DNAH7: variants seen among roughly 807,000 people sequenced by gnomAD.
DNAH7 encodes the protein axonemal beta dynein heavy chain 7.
A neutral mutation model predicts 444.6 loss-of-function variants in DNAH7; 397 were observed. That is an observed-to-expected ratio of 0.89 (90% CI 0.82 to 0.97). DNAH7 has a LOEUF of 0.97. DNAH7 is among the 50% of genes least tolerant of loss of function. The pLI is 0.00. For synonymous variants in DNAH7, 1,636 were observed against 1,624.4 expected (o/e 1.01, Z -0.17); for missense variants, 4,902 against 4,800.8 (o/e 1.02, Z -0.62).
rs572582196 is a variant in DNAH7 at position 196,001,352 on chromosome 2, T to C, written c.1173+323A>G. Among the ~76,000 whole-genome samples the C allele has an allele frequency of 4.6e-5, 7 of 151,422 alleles. No individual in the cohort carries two copies. In the South Asian group the frequency reaches 1.2e-3, roughly 27 times the overall value. ...AGTCATGACAATCATATATCCTAAA[T>C]ATGCAGGTTGACATTAACTCTTTTT... On this transcript the variant is annotated intron_variant, in intron 11 of 64. Coordinates refer to ENST00000312428, the MANE Select transcript of DNAH7 (RefSeq NM_018897.3).
At chr2:195,943,163 C>A (rs1689575413) in intron 19 of DNAH7, among the ~76,000 whole-genome samples, 1 of 152,162 alleles carries the variant, frequency 6.6e-6, no homozygotes, top group African/African-American at 2.4e-5. Context: ...CCATGTGGAA[C>A]TGTAAGTCAA....
intron 33 of DNAH7, among the ~76,000 whole-genome samples, chr2:195,888,044 CT>C (rs1292875706): frequency 1.3e-5 from 2 of 151,786 alleles, no homozygotes; most frequent in East Asian, 3.9e-4. Context: ...TTTGAGTTCT[CT>C]TTTTTTTAGA....
At chr2:196,028,161 T>C in intron 5 of DNAH7, 114 bp from the exon 6 acceptor site, 1 of 812,448 alleles carries the variant, frequency 1.2e-6, no homozygotes, top group Non-Finnish European at 1.9e-6. Flanking sequence ...GAAAAATGAA[T>C]TGTTGAACAT....
intron 19 of DNAH7, among the ~76,000 whole-genome samples, chr2:195,939,528 C>A (rs1041386082): frequency 6.6e-6 from 1 of 152,010 alleles, no homozygotes; most frequent in Non-Finnish European, 1.5e-5. Context: ...CAGAACATAG[C>A]AATAAGATGT....
chr2:195,946,762 C>A (rs1472315044), intron 19 of DNAH7, among the ~76,000 whole-genome samples: 1 of 152,060 alleles, frequency 6.6e-6, no homozygotes, highest in Admixed American at 6.6e-5. Context: ...TTGTCCCAAA[C>A]CCAGATGAGA....
chr2:195,959,457 T>C (rs1690928018), intron 18 of DNAH7, among the ~76,000 whole-genome samples: 1 of 151,608 alleles, frequency 6.6e-6, no homozygotes, highest in African/African-American at 2.4e-5. Context: ...AATTCTTCTC[T>C]TAATGTGCAT....
intron 25 of DNAH7, among the ~76,000 whole-genome samples, chr2:195,908,908 A>G (rs915065752): frequency 3.3e-5 from 5 of 152,186 alleles, no homozygotes; most frequent in African/African-American, 9.7e-5. Flanking sequence ...AGCCAGGAAC[A>G]GTTTACTGCA....
chr2:195,923,759 C>A lies in DNAH7; in HGVS notation c.3661G>T (p.Val1221Phe). ...GACAATTTGCCACGCACCAAAGTGA[C>A]AATATCATCAATTTGTCTGTTACAT... ...KTCNRQIDDI[V>F]TLVRGKLSMQ... The change falls in exon 23 of 65, where the codon GTC becomes TTC. Residue 1221 changes from valine (V) to phenylalanine (F), a missense_variant. Coordinates refer to ENST00000312428, the MANE Select transcript of DNAH7 (RefSeq NM_018897.3). 6.2e-7 allele frequency: 1 copy of A among 1,614,064 alleles called. No individual in the cohort carries two copies. The highest frequency in any genetic ancestry group is 8.5e-7 in the Non-Finnish European group (1 of 1,180,006).
intron 25 of DNAH7, among the ~76,000 whole-genome samples, chr2:195,909,380 G>A (rs1304582208): frequency 6.6e-6 from 1 of 152,116 alleles, no homozygotes; most frequent in Non-Finnish European, 1.5e-5. Context: ...ACAGACACAA[G>A]CTGCTAAAAT....
chr2:195,958,508 C>T (rs566990552), intron 18 of DNAH7, among the ~76,000 whole-genome samples: 4 of 152,120 alleles, frequency 2.6e-5, no homozygotes, highest in Admixed American at 6.5e-5. Context: ...GGGGGGTCAG[C>T]GCCCCTAAAA....
In DNAH7 at chr2:195,797,727, C is replaced by T. The variant is rs1344664856; in HGVS notation, c.10354-990G>A. Reference sequence around the variant, plus strand: ...TTCTGCACCACCCAAATAAATTCTTCAGGCTCCAACTAGGATGAACTTTAT... The same window carrying T: ...TTCTGCACCACCCAAATAAATTCTTTAGGCTCCAACTAGGATGAACTTTAT... On this transcript the variant is annotated intron_variant, in intron 55 of 64. Transcript: ENST00000312428. 2.0e-4 allele frequency among the ~76,000 whole-genome samples: 30 copies of T among 152,224 alleles called. 1 individual carries two copies. The highest frequency in any genetic ancestry group is 2.0e-3 in the Admixed American group (30 of 15,284).
chr2:195,737,846 G>T lies in DNAH7; in HGVS notation c.*75C>A. 1 of 1,343,324 alleles carries T rather than the reference G, an allele frequency of 7.4e-7. No homozygotes were observed. Among genetic ancestry groups the T allele is most frequent in the Admixed American group, 2.1e-5 (1 of 47,478 alleles). 83.2% of individuals were successfully genotyped at this position (1,343,324 alleles called of 1,614,324 possible). A position where few individuals can be genotyped will look rare whatever the true frequency, so the allele number is the denominator to read the frequency against. On this transcript the variant is annotated 3_prime_UTR_variant, in exon 65 of 65. Coordinates refer to ENST00000312428, the MANE Select transcript of DNAH7 (RefSeq NM_018897.3). ...TGTATTTAAACAAACAAAAAAAAAG[G>T]TTTAAGTAGTAAAATATGCTTTCTC...
At chr2:195,835,726 C>T (rs777592727) in intron 47 of DNAH7, among the ~76,000 whole-genome samples, 14 of 152,032 alleles carry the variant, frequency 9.2e-5, no homozygotes, top group Non-Finnish European at 1.5e-4. Flanking sequence ...TGCCTGTAAT[C>T]CCAGCTACTC....
At chr2:195,825,361 CAT>C (rs1311430546) in intron 48 of DNAH7, among the ~76,000 whole-genome samples, 1 of 152,026 alleles carries the variant, frequency 6.6e-6, no homozygotes, top group Admixed American at 6.6e-5. Flanking sequence ...TTTCTCCACA[CAT>C]AGTTGAGACT....
chr2:195,818,840 T>G (rs1697340240), intron 49 of DNAH7, among the ~76,000 whole-genome samples: 1 of 152,164 alleles, frequency 6.6e-6, no homozygotes, highest in Non-Finnish European at 1.5e-5. Context: ...TACTGCAGTC[T>G]GCCTGACCTA....
In DNAH7 at chr2:195,938,252, A is replaced by T. The variant is rs1301285425; in HGVS notation, c.3079-1460T>A. Among the ~76,000 whole-genome samples, 8 of 151,612 alleles carry T rather than the reference A, an allele frequency of 5.3e-5. 1 individual carries two copies. The South Asian group carries it at 6.7e-4, about 13-fold the overall frequency. ...TCAATAAAACATGAATATATAAATC[A>T]TATAATATAATTAGATCAATTTATC... On this transcript the variant is annotated intron_variant, in intron 19 of 64. Transcript: ENST00000312428.
At chr2:196,039,079 T>C (rs1330480215) in intron 5 of DNAH7, among the ~76,000 whole-genome samples, 2 of 152,180 alleles carry the variant, frequency 1.3e-5, no homozygotes, top group African/African-American at 4.8e-5. Flanking sequence ...AAAATATGCA[T>C]TCTTCTCATC....
chr2:196,046,643 G>C (rs886624409), intron 5 of DNAH7, among the ~76,000 whole-genome samples: 1 of 151,634 alleles, frequency 6.6e-6, no homozygotes, highest in South Asian at 2.1e-4. Flanking sequence ...ATGGGACTCC[G>C]ATACACTCCT....
In DNAH7 at chr2:195,868,159, G is replaced by A. The variant is rs554745284; in HGVS notation, c.6634-3138C>T. Among the ~76,000 whole-genome samples, 11 of 143,596 alleles carry A rather than the reference G, an allele frequency of 7.7e-5. No homozygotes were observed. In the South Asian group the frequency reaches 1.6e-3, roughly 20 times the overall value. 94.2% of individuals were successfully genotyped at this position (143,596 alleles called of 152,430 possible). ...CACCCAGGTTGGAGTGCAGTGGTGCGATCTCGGCTCACTGCAAGCTCCGCC... is the reference window on the plus strand; with the variant it reads ...CACCCAGGTTGGAGTGCAGTGGTGCAATCTCGGCTCACTGCAAGCTCCGCC... On this transcript the variant is annotated intron_variant, in intron 40 of 64. Coordinates refer to ENST00000312428, the MANE Select transcript of DNAH7 (RefSeq NM_018897.3).
Sources: allele counts gnomAD v4.1 joint callset (sites outside exome capture counted in the v4.1 genomes callset), GRCh38; gene constraint gnomAD v4.1.1; transcripts MANE v1.5; gene names NCBI Gene and HGNC (gene_info 2026-07-23, HGNC 2026-07-21).